The following SYT16 variants were observed in gnomAD, a reference collection of about 807,000 sequenced individuals.
The protein encoded by SYT16 is synaptotagmin 16.
Under a neutral mutation model 61.4 loss-of-function variants are expected in SYT16, and 42 were observed. The ratio of observed to expected loss-of-function variants is 0.68; its 90% CI spans 0.53 to 0.89. The LOEUF (loss-of-function observed/expected upper bound fraction) is 0.89, where lower values mean the gene tolerates loss of function less well. Among genes scored for constraint, SYT16 ranks in the 40% least tolerant of loss-of-function variants. The probability of loss-of-function intolerance (pLI) is 0.00; values close to 1 mark genes in which losing one functional copy is unlikely to be tolerated. For missense variants in SYT16, 804 were observed against 807.3 expected (o/e 1.00, Z 0.05); for synonymous variants, 314 against 302.3 (o/e 1.04, Z -0.40).
At position 62,101,493 on chromosome 14, in the gene SYT16, A is replaced by C. The variant is rs932538840; in HGVS notation, c.*786A>C. 11 of 152,162 alleles carry C rather than the reference A, an allele frequency of 7.2e-5. No homozygotes were observed. The highest frequency in any genetic ancestry group is 3.3e-4 in the Admixed American group (5 of 15,280). The allele number at this position is 152,162 out of a possible 1,614,324, so 9.4% of individuals were successfully genotyped here. On this transcript the variant is annotated 3_prime_UTR_variant, in exon 8 of 8. Transcript: ENST00000683842. ...TTCTTACAGAATAAGAAAACAAAAA[A>C]CAAGACTACTGCAGTCATAGATTTA...
chr14:61,875,820 T>A (rs928945716), intron 1 of SYT16, among the ~76,000 whole-genome samples: 1 of 152,178 alleles, frequency 6.6e-6, no homozygotes, highest in African/African-American at 2.4e-5. Flanking sequence ...GAGGGAACAC[T>A]GGGTGATCTC....
At chr14:62,002,259 T>G (rs1595126000) in intron 3 of SYT16, among the ~76,000 whole-genome samples, 1 of 152,242 alleles carries the variant, frequency 6.6e-6, no homozygotes, top group South Asian at 2.1e-4. Context: ...AGTCAGCATT[T>G]GAGTTGGGTT....
At chr14:61,983,267 T>A (rs1283372825) in intron 2 of SYT16, among the ~76,000 whole-genome samples, 1 of 152,212 alleles carries the variant, frequency 6.6e-6, no homozygotes, top group East Asian at 1.9e-4. Context: ...GTTTATACAC[T>A]TCCATTAAAA....
At chr14:61,990,080 A>G (rs2052483905) in intron 2 of SYT16, among the ~76,000 whole-genome samples, 1 of 152,184 alleles carries the variant, frequency 6.6e-6, no homozygotes, top group African/African-American at 2.4e-5. Context: ...CAACCCACAT[A>G]AGAAATTTGC....
chr14:61,875,167 T>C (rs1275726515), intron 1 of SYT16, among the ~76,000 whole-genome samples: 1 of 152,234 alleles, frequency 6.6e-6, no homozygotes, highest in African/African-American at 2.4e-5. Flanking sequence ...TCAAAATTGA[T>C]AAGGGCTGCT....
chr14:61,836,446 GAGA>G (rs1196508693), intron 1 of SYT16, among the ~76,000 whole-genome samples: 1 of 152,176 alleles, frequency 6.6e-6, no homozygotes, highest in Non-Finnish European at 1.5e-5. Context: ...GGAGGGATAG[GAGA>G]AGTTTATATC....
intron 1 of SYT16, among the ~76,000 whole-genome samples, chr14:61,928,512 G>A (rs1286541107): frequency 1.3e-5 from 2 of 152,172 alleles, no homozygotes; most frequent in African/African-American, 4.8e-5. Context: ...GAGAGGGTGT[G>A]TAGAAGGATT....
intron 3 of SYT16, among the ~76,000 whole-genome samples, chr14:62,008,195 C>A (rs2053301658): frequency 6.6e-6 from 1 of 151,962 alleles, no homozygotes; most frequent in South Asian, 2.1e-4. Context: ...TCTTTCTTCG[C>A]TGGTACCCTC....
At position 62,106,154 on chromosome 14, in the gene SYT16, T is replaced by G. The variant is rs1234619691; in HGVS notation, c.*5447T>G. 2 of 152,232 alleles carry G rather than the reference T, an allele frequency of 1.3e-5. No individual in the cohort carries two copies. Among genetic ancestry groups the G allele is most frequent in the Non-Finnish European group, 2.9e-5 (2 of 68,046 alleles). 9.4% of individuals were successfully genotyped at this position (152,232 alleles called of 1,614,324 possible). A position where few individuals can be genotyped will look rare whatever the true frequency, so the allele number is the denominator to read the frequency against. On this transcript the variant is annotated 3_prime_UTR_variant, in exon 8 of 8. Transcript: ENST00000683842. ...TCATTAATTCAAAATGTATTCATTG[T>G]CTAGTACTATGCTATCTGGGCTGGC...
chr14:61,835,087 T>G (rs1594723805), intron 1 of SYT16, among the ~76,000 whole-genome samples: 1 of 152,240 alleles, frequency 6.6e-6, no homozygotes, highest in Non-Finnish European at 1.5e-5. Flanking sequence ...TGATAAGACA[T>G]TTTCAAGGAA....
intron 3 of SYT16, among the ~76,000 whole-genome samples, chr14:62,048,604 G>T (rs890313454): frequency 6.6e-6 from 1 of 152,112 alleles, no homozygotes; most frequent in African/African-American, 2.4e-5. Context: ...GCTTTCTCTT[G>T]TGGGCATTTA....
chr14:61,900,285 AG>A (rs2140356218), intron 1 of SYT16, among the ~76,000 whole-genome samples: 1 of 151,472 alleles, frequency 6.6e-6, no homozygotes, highest in East Asian at 1.9e-4. Context: ...CAGCCTCCCG[AG>A]TAGCTGGATT....
chr14:61,945,811 A>C (rs1254841), intron 1 of SYT16, among the ~76,000 whole-genome samples: 1 of 141,008 alleles, frequency 7.1e-6, no homozygotes, highest in Admixed American at 8.0e-5. Context: ...AGCCGAGATC[A>C]CGCCACTGCA....
chr14:61,987,021 A>G (rs1039324493), intron 2 of SYT16, among the ~76,000 whole-genome samples: 1 of 152,214 alleles, frequency 6.6e-6, no homozygotes, highest in Admixed American at 6.5e-5. Flanking sequence ...GTTATAGGTC[A>G]TCAATAAGCT....
At chr14:61,858,120 C>CAAAAAAAAAAAAAAAAAAAAAAAAAAAGA in intron 1 of SYT16, among the ~76,000 whole-genome samples, 1 of 43,228 alleles carries the variant, frequency 2.3e-5, no homozygotes. Flanking sequence ...CACAGCTTGG[C>CAAAAAAAAAAAAAAAAAAAAAAAAAAAGA]AAAAAAAAAA....
intron 1 of SYT16, among the ~76,000 whole-genome samples, chr14:61,891,366 C>T (rs2048125919): frequency 6.6e-6 from 1 of 152,006 alleles, no homozygotes; most frequent in African/African-American, 2.4e-5. Flanking sequence ...ACATTTCAAG[C>T]CAATTGTTTA....
At chr14:61,836,840 T>C (rs1258834769) in intron 1 of SYT16, among the ~76,000 whole-genome samples, 2 of 152,234 alleles carry the variant, frequency 1.3e-5, no homozygotes, top group Non-Finnish European at 2.9e-5. Context: ...TCTAAACTTC[T>C]ATGAATTTTT....
chr14:61,870,997 A>T (rs1376894371), intron 1 of SYT16, among the ~76,000 whole-genome samples: 3 of 152,008 alleles, frequency 2.0e-5, no homozygotes, highest in Non-Finnish European at 1.5e-5. Context: ...GATATTGTGA[A>T]TTTTATATTG....
intron 3 of SYT16, among the ~76,000 whole-genome samples, chr14:62,036,525 G>A (rs535130791): frequency 1.7e-4 from 26 of 152,108 alleles, no homozygotes; most frequent in Admixed American, 1.0e-3. Context: ...ATTCTCGTGC[G>A]GCTAATAAAG....
Sources: gnomAD v4.1 joint callset for allele counts (sites outside exome capture counted in the v4.1 genomes callset) on GRCh38, gnomAD v4.1.1 for gene constraint, MANE v1.5 for transcripts, NCBI Gene and HGNC (gene_info 2026-07-23, HGNC 2026-07-21) for gene names.